MTMR7: variants seen among roughly 807,000 people sequenced by gnomAD.
The protein encoded by MTMR7 is myotubularin related protein 7.
In MTMR7, 76 loss-of-function variants were observed where a neutral mutation model predicts 81.2. That is an observed-to-expected ratio of 0.94 (90% CI 0.78 to 1.13). The LOEUF (loss-of-function observed/expected upper bound fraction) is 1.13. Among genes scored for constraint, MTMR7 ranks in the 50% most tolerant of loss-of-function variants. The pLI is 0.00. For missense variants in MTMR7, 1,044 were observed against 820.0 expected (o/e 1.27, Z -3.34); for synonymous variants, 372 against 289.8 (o/e 1.28, Z -2.88).
intron 1 of MTMR7, among the ~76,000 whole-genome samples, chr8:17,400,909 T>C (rs1821407212): frequency 6.6e-6 from 1 of 152,202 alleles, no homozygotes; most frequent in Non-Finnish European, 1.5e-5. Context: ...ATCGCCCACA[T>C]TTCATGAAAT....
rs1816852499 is a variant in MTMR7 at position 17,298,132 on chromosome 8, A to C, written c.*1730T>G. 6.6e-6 allele frequency: 1 copy of C among 152,064 alleles called. No homozygotes were observed. The highest frequency in any genetic ancestry group is 2.4e-5 in the African/African-American group (1 of 41,442). 9.4% of individuals were successfully genotyped at this position (152,064 alleles called of 1,614,324 possible). The stretch of plus-strand genomic sequence containing the variant: ...AATATTAGGCAACAGAGTTTCTAAG[A>C]GTGGACAGCTCCAAGAAGGTTGTGA... On this transcript the variant is annotated 3_prime_UTR_variant, in exon 14 of 14. Transcript: ENST00000180173.
intron 7 of MTMR7, among the ~76,000 whole-genome samples, chr8:17,319,429 G>C (rs1366130679): frequency 6.6e-6 from 1 of 152,142 alleles, no homozygotes; most frequent in African/African-American, 2.4e-5. Flanking sequence ...ACATGTCAAC[G>C]CTGAAGCTCC....
chr8:17,314,950 G>C (rs1350872910), intron 7 of MTMR7, among the ~76,000 whole-genome samples: 2 of 152,188 alleles, frequency 1.3e-5, no homozygotes, highest in African/African-American at 4.8e-5. Flanking sequence ...ATGCAGAACG[G>C]TAAATGAGAG....
At chr8:17,332,527 T>C (rs1011749725) in intron 6 of MTMR7, among the ~76,000 whole-genome samples, 8 of 152,268 alleles carry the variant, frequency 5.3e-5, no homozygotes, top group African/African-American at 1.4e-4. Flanking sequence ...CTCTGAGGCT[T>C]ACGATGGGGT....
intron 10 of MTMR7, among the ~76,000 whole-genome samples, chr8:17,306,265 T>A (rs1817450223): frequency 6.6e-6 from 1 of 152,138 alleles, no homozygotes; most frequent in African/African-American, 2.4e-5. Context: ...TCCTTAAAAG[T>A]ACATTAGAAC....
chr8:17,343,717 A>C (rs1485035553), intron 5 of MTMR7, among the ~76,000 whole-genome samples: 1 of 152,268 alleles, frequency 6.6e-6, no homozygotes, highest in African/African-American at 2.4e-5. Flanking sequence ...CATATTAAAC[A>C]GACTACATTT....
intron 13 of MTMR7, 120 bp from the exon 14 acceptor site, chr8:17,300,344 A>T (rs530867201): frequency 8.8e-7 from 1 of 1,134,932 alleles, no homozygotes; most frequent in East Asian, 2.6e-5. Context: ...CATGTGACTC[A>T]GAGGGATGTG....
intron 7 of MTMR7, among the ~76,000 whole-genome samples, chr8:17,323,557 A>G (rs1818516987): frequency 6.6e-6 from 1 of 152,048 alleles, no homozygotes; most frequent in Admixed American, 6.6e-5. Context: ...GGTAGGCACT[A>G]GAGAGGAGGC....
At position 17,298,921 on chromosome 8, in the gene MTMR7, A is replaced by C. The variant is rs1187605997; in HGVS notation, c.*941T>G. The stretch of plus-strand genomic sequence containing the variant: ...TACATAATTTCTAAAATGATAGATT[A>C]CAAAACCTATTCCCTTCATTAAACA... On this transcript the variant is annotated 3_prime_UTR_variant, in exon 14 of 14. Coordinates refer to ENST00000180173, the MANE Select transcript of MTMR7 (RefSeq NM_004686.5). 1 of 152,220 alleles carries C rather than the reference A, an allele frequency of 6.6e-6. No individual in the cohort carries two copies. Among genetic ancestry groups the C allele is most frequent in the Non-Finnish European group, 1.5e-5 (1 of 68,008 alleles). The allele number at this position is 152,220 out of a possible 1,614,324, so 9.4% of individuals were successfully genotyped here.
rs1816944164 is a variant in MTMR7, at chr8:17,299,309, T to G, written c.*553A>C. The G allele has an allele frequency of 6.6e-6, 1 of 152,208 alleles. No homozygotes were observed. Among genetic ancestry groups the G allele is most frequent in the South Asian group, 2.1e-4 (1 of 4,840 alleles). The allele number at this position is 152,208 out of a possible 1,614,324, so 9.4% of individuals were successfully genotyped here. The stretch of plus-strand genomic sequence containing the variant: ...TATATGCTCCAAGGAAAAGTTAAAG[T>G]GATGATTATGCCTGAAAGATAAGCA... On this transcript the variant is annotated 3_prime_UTR_variant, in exon 14 of 14. Transcript: ENST00000180173.
intron 1 of MTMR7, among the ~76,000 whole-genome samples, chr8:17,386,994 T>C (rs1450927413): frequency 6.6e-6 from 1 of 152,160 alleles, no homozygotes; most frequent in Non-Finnish European, 1.5e-5. Flanking sequence ...CCTGATCATG[T>C]CACTCTCTGT....
At chr8:17,381,431 T>C (rs938675560) in intron 1 of MTMR7, among the ~76,000 whole-genome samples, 2 of 152,098 alleles carry the variant, frequency 1.3e-5, no homozygotes, top group African/African-American at 2.4e-5. Flanking sequence ...CCTTCGAATT[T>C]CAATCTTAGT....
chr8:17,333,395 G>T (rs1433886070), intron 6 of MTMR7, among the ~76,000 whole-genome samples: 1 of 152,162 alleles, frequency 6.6e-6, no homozygotes, highest in Non-Finnish European at 1.5e-5. Flanking sequence ...ATTTTTCAAA[G>T]ATGTTGGTTT....
At chr8:17,302,025 G>A (rs539180688) in intron 13 of MTMR7, 129 bp downstream of exon 13, 55 of 1,227,496 alleles carry the variant, frequency 4.5e-5, no homozygotes, top group Non-Finnish European at 6.2e-5. Context: ...ATGGGGTTGT[G>A]TTTCAGGTGT....
At chr8:17,326,334 T>C (rs967318018) in intron 7 of MTMR7, 1 of 152,234 alleles carries the variant, frequency 6.6e-6, no homozygotes, top group East Asian at 1.9e-4. Flanking sequence ...CAATGAGGTT[T>C]ACTTGAGTAA....
At chr8:17,336,471 C>T (rs1259547313) in intron 6 of MTMR7, among the ~76,000 whole-genome samples, 2 of 152,072 alleles carry the variant, frequency 1.3e-5, no homozygotes, top group African/African-American at 2.4e-5. Context: ...GTGAGACCCC[C>T]GATTCCCCTC....
chr8:17,342,070 A>G (rs1442730192), intron 5 of MTMR7, among the ~76,000 whole-genome samples: 1 of 152,202 alleles, frequency 6.6e-6, no homozygotes, highest in Non-Finnish European at 1.5e-5. Flanking sequence ...TGCTGACTCA[A>G]GTCTACTTAG....
At chr8:17,315,331 G>T (rs1282942621) in intron 7 of MTMR7, among the ~76,000 whole-genome samples, 3 of 152,146 alleles carry the variant, frequency 2.0e-5, no homozygotes, top group Non-Finnish European at 2.9e-5. Context: ...GGCTGCCAGG[G>T]GTTAGGGTTG....
At chr8:17,366,757 G>A (rs1404077100) in intron 3 of MTMR7, among the ~76,000 whole-genome samples, 3 of 151,886 alleles carry the variant, frequency 2.0e-5, no homozygotes, top group African/African-American at 7.3e-5. Flanking sequence ...GTGGTGGCGG[G>A]TGCCTGTAGT....
Sources: gnomAD v4.1 joint callset for allele counts (sites outside exome capture counted in the v4.1 genomes callset) on GRCh38, gnomAD v4.1.1 for gene constraint, MANE v1.5 for transcripts, NCBI Gene and HGNC (gene_info 2026-07-23, HGNC 2026-07-21) for gene names.